DPYSL3: variants seen among roughly 807,000 people sequenced by gnomAD.
DPYSL3 encodes the protein dihydropyrimidinase like 3, also known as dihydropyrimidinase-related protein 3.
Under a neutral mutation model 66.1 loss-of-function variants are expected in DPYSL3, and 16 were observed. The ratio of observed to expected loss-of-function variants is 0.24; its 90% CI spans 0.16 to 0.37. The LOEUF is 0.37. Ranked by LOEUF, DPYSL3 falls within the 10% of genes least tolerant of loss-of-function variation. The pLI is 1.00. For missense variants in DPYSL3, 738 were observed against 916.2 expected, an observed-to-expected ratio of 0.81 and a Z score of 2.51; for synonymous variants, 338 against 345.1, an observed-to-expected ratio of 0.98 and a Z score of 0.23.
intron 1 of DPYSL3, among the ~76,000 whole-genome samples, chr5:147,473,706 G>A (rs571865770): frequency 3.3e-5 from 5 of 152,058 alleles, no homozygotes; most frequent in African/African-American, 7.2e-5. Context: ...AGCTCTTCTG[G>A]CAATGGACTT....
intron 1 of DPYSL3, among the ~76,000 whole-genome samples, chr5:147,465,522 G>A (rs1318947135): frequency 6.6e-6 from 1 of 152,064 alleles, no homozygotes; most frequent in Non-Finnish European, 1.5e-5. Flanking sequence ...GTGGTCTCAA[G>A]CCCCTGACCT....
intron 1 of DPYSL3, among the ~76,000 whole-genome samples, chr5:147,460,512 C>T (rs1752916466): frequency 6.6e-6 from 1 of 152,098 alleles, no homozygotes; most frequent in Non-Finnish European, 1.5e-5. Context: ...AGGATCTTGA[C>T]AAGGGGAGAT....
intron 1 of DPYSL3, among the ~76,000 whole-genome samples, chr5:147,427,496 T>C (rs1403415171): frequency 6.6e-6 from 1 of 151,984 alleles, no homozygotes; most frequent in Non-Finnish European, 1.5e-5. Flanking sequence ...AAAATTAGAG[T>C]TTTGAGAAAA....
intron 1 of DPYSL3, among the ~76,000 whole-genome samples, chr5:147,480,401 T>C (rs1484849024): frequency 6.6e-6 from 1 of 152,192 alleles, no homozygotes; most frequent in Non-Finnish European, 1.5e-5. Context: ...GATTAACGTC[T>C]ATGTCTCTTT....
intron 1 of DPYSL3, chr5:147,453,557 G>C: frequency 6.5e-7 from 1 of 1,539,502 alleles, no homozygotes; most frequent in Non-Finnish European, 8.8e-7. Context: ...ACCGTGATCC[G>C]CGGGATGTTC....
Position 147,418,636 on chromosome 5 carries a change from T to C in DPYSL3, c.471-5A>G, listed in dbSNP as rs202177887. 2,779 of 1,563,128 alleles carry C rather than the reference T, an allele frequency of 1.8e-3. 6 individuals are homozygous for C. The highest frequency in any genetic ancestry group is 2.2e-3 in the Non-Finnish European group (2,489 of 1,151,068). ...ATCAGATTGTCTCCAATTTGTCTGG[T>C]GAAACAAACAAACAAAAAAATGATC... On this transcript the variant is annotated splice_polypyrimidine_tract_variant and splice_region_variant and intron_variant, in intron 2 of 13. Transcript: ENST00000343218.
intron 6 of DPYSL3, among the ~76,000 whole-genome samples, chr5:147,412,107 T>G (rs1178734418): frequency 6.6e-6 from 1 of 152,210 alleles, no homozygotes; most frequent in East Asian, 1.9e-4. Flanking sequence ...TTCGTCACTC[T>G]TTCCTCAAGT....
chr5:147,473,846 T>A (rs928291654), intron 1 of DPYSL3, among the ~76,000 whole-genome samples: 3 of 152,128 alleles, frequency 2.0e-5, no homozygotes, highest in Non-Finnish European at 4.4e-5. Flanking sequence ...CTTTTTTAAA[T>A]ATATTTTAAA....
At chr5:147,465,359 G>T (rs1480765103) in intron 1 of DPYSL3, among the ~76,000 whole-genome samples, 1 of 152,102 alleles carries the variant, frequency 6.6e-6, no homozygotes, top group Non-Finnish European at 1.5e-5. Flanking sequence ...GAGTGCAGTG[G>T]CACAATCTTG....
chr5:147,412,022 G>A (rs1751864797), intron 6 of DPYSL3, among the ~76,000 whole-genome samples: 1 of 152,070 alleles, frequency 6.6e-6, no homozygotes, highest in Non-Finnish European at 1.5e-5. Context: ...ATTCCATTAA[G>A]CAGCCCAGGA....
chr5:147,433,389 T>A (rs1347977225), intron 1 of DPYSL3, among the ~76,000 whole-genome samples: 1 of 152,098 alleles, frequency 6.6e-6, no homozygotes, highest in African/African-American at 2.4e-5. Context: ...CAGATATGGG[T>A]AAGTGAAGAC....
intron 1 of DPYSL3, among the ~76,000 whole-genome samples, chr5:147,482,724 A>T (rs1226968146): frequency 6.6e-6 from 1 of 152,098 alleles, no homozygotes; most frequent in Non-Finnish European, 1.5e-5. Flanking sequence ...TTTTTTTCTA[A>T]AAGAAGGAGG....
rs1753725410 is a variant in DPYSL3 at position 147,509,377 on chromosome 5, C to A, written c.381+101G>T. 1.4e-6 allele frequency: 2 copies of A among 1,388,502 alleles called. No homozygotes were observed. The highest frequency in any genetic ancestry group is 3.0e-5 in the South Asian group (2 of 66,824). 86.0% of individuals were successfully genotyped at this position (1,388,502 alleles called of 1,614,324 possible). On this transcript the variant is annotated intron_variant, in intron 1 of 13. Transcript: ENST00000343218. This position sits in a 1 kb window ranked among gnomAD's most constrained non-coding sequence, Gnocchi z 5.3. ...CCTTTCCTCCTCCTTGTCCCCCAGC[C>A]CCGTGCAAAGTGAGCTGGAGAAAGT... is the stretch of plus-strand genomic sequence containing the variant.
At chr5:147,400,014 TA>T (rs1286466195) in intron 10 of DPYSL3, among the ~76,000 whole-genome samples, 1 of 152,242 alleles carries the variant, frequency 6.6e-6, no homozygotes, top group Non-Finnish European at 1.5e-5. Context: ...TTACACTGTG[TA>T]GATTAATGAG....
chr5:147,398,883 G>T (rs1248230359), intron 11 of DPYSL3, among the ~76,000 whole-genome samples, 199 bp downstream of exon 11: 4 of 152,224 alleles, frequency 2.6e-5, no homozygotes, highest in Non-Finnish European at 5.9e-5. Context: ...TGAGTGACTG[G>T]AATGGGCAGA....
At chr5:147,461,972 T>G (rs1219670618) in intron 1 of DPYSL3, among the ~76,000 whole-genome samples, 1 of 152,004 alleles carries the variant, frequency 6.6e-6, no homozygotes, top group African/African-American at 2.4e-5. Context: ...ATCAAAAAAT[T>G]TGTTTTATCC....
At chr5:147,401,976 AAATAT>A (rs1398680379) in intron 8 of DPYSL3, 2 of 318,848 alleles carry the variant, frequency 6.3e-6, no homozygotes, top group Non-Finnish European at 1.1e-5. Flanking sequence ...AAAGAAAATA[AAATAT>A]ACATATTGAT....
chr5:147,393,884 G>A lies in DPYSL3; in HGVS notation c.*151C>T. On this transcript the variant is annotated 3_prime_UTR_variant, in exon 14 of 14. Transcript: ENST00000343218. The stretch of plus-strand genomic sequence containing the variant: ...AATATTCGTAAAGCTAGGCAAGCGA[G>A]CGTAACATTGGAGAAACATAAGGCT... 1 of 765,930 alleles carries A rather than the reference G, an allele frequency of 1.3e-6. No homozygotes were observed. Among genetic ancestry groups the A allele is most frequent in the Non-Finnish European group, 2.1e-6 (1 of 469,486 alleles). The allele number at this position is 765,930 out of a possible 1,614,324, so 47.4% of individuals were successfully genotyped here.
intron 1 of DPYSL3, among the ~76,000 whole-genome samples, chr5:147,502,700 C>T (rs1753629926): frequency 6.6e-6 from 1 of 151,796 alleles, no homozygotes; most frequent in Non-Finnish European, 1.5e-5. Flanking sequence ...CCTCAGCCTC[C>T]CGAGTAGCTG....
Sources: gnomAD v4.1 joint callset for allele counts (sites outside exome capture counted in the v4.1 genomes callset) on GRCh38, gnomAD v4.1.1 for gene constraint, Gnocchi (gnomAD v3.1) non-coding constraint, MANE v1.5 for transcripts, NCBI Gene and HGNC (gene_info 2026-07-23, HGNC 2026-07-21) for gene names.